The following COL1A2 variants were observed in gnomAD, a reference collection of about 807,000 sequenced individuals.
COL1A2 encodes the protein collagen type I alpha 2 chain.
Under a neutral mutation model 174.3 loss-of-function variants are expected in COL1A2, and 49 were observed. The ratio of observed to expected loss-of-function variants is 0.28; its 90% CI spans 0.22 to 0.36. The LOEUF (loss-of-function observed/expected upper bound fraction) is 0.36, where lower values mean the gene tolerates loss of function less well. Among genes scored for constraint, COL1A2 ranks in the 10% least tolerant of loss-of-function variants. The probability of loss-of-function intolerance (pLI) is 1.00; values close to 1 mark genes in which losing one functional copy is unlikely to be tolerated. For synonymous variants in COL1A2, 655 were observed against 606.6 expected, an observed-to-expected ratio of 1.08 and a Z score of -1.17; for missense variants, 1,438 against 1,822.7, an observed-to-expected ratio of 0.79 and a Z score of 3.84.
intron 12 of COL1A2, among the ~76,000 whole-genome samples, chr7:94,407,396 G>A (rs1310964106): frequency 2.0e-5 from 3 of 151,716 alleles, no homozygotes; most frequent in African/African-American, 7.3e-5. Context: ...AATATAGATT[G>A]GAAATAAATA....
intron 6 of COL1A2, among the ~76,000 whole-genome samples, chr7:94,403,935 A>C (rs1791742243): frequency 1.3e-5 from 2 of 152,188 alleles, no homozygotes; most frequent in African/African-American, 4.8e-5. Flanking sequence ...ATTTTCAACA[A>C]TAATATCATA....
chr7:94,423,179 C>T, intron 40 of COL1A2, 61 bp downstream of exon 40: 1 of 1,586,098 alleles, frequency 6.3e-7, no homozygotes. Context: ...AAAGCCCCTA[C>T]ACAAATCTTC....
intron 40 of COL1A2, chr7:94,423,425 A>G (rs910646481): frequency 2.5e-6 from 1 of 407,962 alleles, no homozygotes; most frequent in African/African-American, 2.0e-5. Context: ...CCATCCTACT[A>G]CATATTAATC....
intron 12 of COL1A2, among the ~76,000 whole-genome samples, chr7:94,406,870 T>C (rs1295594819): frequency 6.6e-6 from 1 of 152,214 alleles, no homozygotes; most frequent in African/African-American, 2.4e-5. Flanking sequence ...GATAATGTGA[T>C]ATTAAAGTGA....
In COL1A2 at chr7:94,408,426, G is replaced by A. The variant is rs756160543; in HGVS notation, c.738+46G>A. ...GTTTGAAAGGAGTTGAGAATGTGGG[G>A]TGGGTGCTGTCTTCTTCATTAATCT... On this transcript the variant is annotated intron_variant, in intron 15 of 51. Transcript: ENST00000297268. 5.0e-6 allele frequency: 8 copies of A among 1,589,826 alleles called. No homozygotes were observed. In the South Asian group the frequency reaches 8.8e-5, roughly 18 times the overall value.
At chr7:94,420,851 C>T in intron 37 of COL1A2, 158 bp from the exon 38 acceptor site, 2 of 890,354 alleles carry the variant, frequency 2.2e-6, no homozygotes, top group Non-Finnish European at 3.7e-6. Flanking sequence ...CTGATAACCT[C>T]ATAAGGGTGG....
In COL1A2 at chr7:94,410,940, A is replaced by G. The variant is rs761124794; in HGVS notation, c.1249A>G (p.Met417Val). 4.3e-6 allele frequency: 7 copies of G among 1,613,790 alleles called. No individual in the cohort carries two copies. The Admixed American group carries it at 5.0e-5, about 12-fold the overall frequency. The change falls in exon 22 of 52, where the codon ATG becomes GTG. Residue 417 changes from methionine (M) to valine (V), a missense_variant and splice_region_variant. By Grantham distance (21) the Met-to-Val change is conservative. This residue lies in a region of COL1A2 where 867 missense variants were observed against 1,213.7 expected (regional missense o/e 0.71). Coordinates refer to ENST00000297268, the MANE Select transcript of COL1A2 (RefSeq NM_000089.4). ...LPGADGRAGV[M>V]GPPGSRGASG... ...TGGAGCTGATGGCAGAGCTGGCGTC[A>G]TGGTAAGCTGTCTATCACTTACTTC...
At chr7:94,401,690 C>T in intron 6 of COL1A2, 70 bp downstream of exon 6, 1 of 1,167,098 alleles carries the variant, frequency 8.6e-7, no homozygotes, top group Non-Finnish European at 1.3e-6. Flanking sequence ...CACATTTTAC[C>T]ACGCCATTTA....
intron 26 of COL1A2, 97 bp from the exon 27 acceptor site, chr7:94,413,593 A>G (rs1325754862): frequency 1.7e-6 from 2 of 1,202,420 alleles, no homozygotes; most frequent in African/African-American, 1.5e-5. Flanking sequence ...TGCTAAAATG[A>G]CAAACTTGTT....
chr7:94,425,630 T>G lies in COL1A2; in HGVS notation c.2802T>G (p.Gly934=). 3 of 1,614,014 alleles carry G rather than the reference T, an allele frequency of 1.9e-6. No individual in the cohort carries two copies. The highest frequency in any genetic ancestry group is 2.5e-6 in the Non-Finnish European group (3 of 1,179,968). The change falls in exon 43 of 52, where the codon GGT becomes GGG. Residue 934 remains glycine (G), a synonymous_variant. Coordinates refer to ENST00000297268, the MANE Select transcript of COL1A2 (RefSeq NM_000089.4). The part of the protein sequence containing the change: ...AGRDGNPGND[G]PPGRDGQPGH... ...CACAGGGCAACCCTGGGAACGATGG[T>G]CCCCCAGGTCGCGATGGTCAACCCG...
intron 15 of COL1A2, 131 bp downstream of exon 15, chr7:94,408,511 C>T (rs1343111538): frequency 2.5e-6 from 3 of 1,219,634 alleles, no homozygotes; most frequent in Admixed American, 3.7e-5. Flanking sequence ...CTTTTGAAGG[C>T]TCCATTTATA....
intron 25 of COL1A2, 140 bp downstream of exon 25, chr7:94,412,822 A>G (rs1791956558): frequency 2.4e-6 from 2 of 818,034 alleles, no homozygotes; most frequent in East Asian, 2.6e-5. Context: ...CACTTATCAC[A>G]TTAAAAGTTT....
At chr7:94,411,827 G>T (rs1791934115) in intron 23 of COL1A2, among the ~76,000 whole-genome samples, 1 of 152,138 alleles carries the variant, frequency 6.6e-6, no homozygotes. Flanking sequence ...AGTTTCTTGA[G>T]ATATCTATAA....
rs1437620909 is a variant in COL1A2 at position 94,409,619 on chromosome 7, C to A, written c.936+11C>A. Reference sequence around the variant, plus strand: ...GCCAAGGGTGCTGCTGTGAGTATACCTGCGTAGCTAAAATGTGCTGCTATG... The same window carrying A: ...GCCAAGGGTGCTGCTGTGAGTATACATGCGTAGCTAAAATGTGCTGCTATG... On this transcript the variant is annotated intron_variant, in intron 18 of 51. Transcript: ENST00000297268. 1 of 1,613,982 alleles carries A rather than the reference C, an allele frequency of 6.2e-7. No homozygotes were observed. The highest frequency in any genetic ancestry group is 1.3e-5 in the African/African-American group (1 of 74,910).
chr7:94,414,929 T>A (rs1792007549), intron 29 of COL1A2, among the ~76,000 whole-genome samples: 1 of 152,254 alleles, frequency 6.6e-6, no homozygotes, highest in African/African-American at 2.4e-5. Context: ...TTCATTATTA[T>A]TTATCTTATT....
rs959364247 is a variant in COL1A2, at chr7:94,413,598, C to T, written c.1558-92C>T. 25 of 1,247,710 alleles carry T rather than the reference C, an allele frequency of 2.0e-5. No homozygotes were observed. In the Admixed American group the frequency reaches 4.3e-4, roughly 21 times the overall value. The allele number at this position is 1,247,710 out of a possible 1,614,324, so 77.3% of individuals were successfully genotyped here. On this transcript the variant is annotated intron_variant, in intron 26 of 51. Transcript: ENST00000297268. ...GTTTAATTCATGCTAAAATGACAAACTTGTTTTAAGGAAGTAATACCTGAG... is the reference window on the plus strand; with the variant it reads ...GTTTAATTCATGCTAAAATGACAAATTTGTTTTAAGGAAGTAATACCTGAG...
rs1450347651 is a variant in COL1A2 at position 94,425,671 on chromosome 7, C to T, written c.2835+8C>T. ...GGTCAACCCGGACACAAGGTCAGTA[C>T]ACTTTTCATCTTTCTCTAATTCAAA... is the stretch of plus-strand genomic sequence containing the variant. On this transcript the variant is annotated splice_region_variant and intron_variant, in intron 43 of 51. Coordinates refer to ENST00000297268, the MANE Select transcript of COL1A2 (RefSeq NM_000089.4). 5 of 1,614,040 alleles carry T rather than the reference C, an allele frequency of 3.1e-6. No homozygotes were observed. The highest frequency in any genetic ancestry group is 4.2e-6 in the Non-Finnish European group (5 of 1,180,026).
Position 94,420,529 on chromosome 7 carries a change from T to C in COL1A2, c.2188-12T>C. On this transcript the variant is annotated splice_polypyrimidine_tract_variant and intron_variant, in intron 36 of 51. Transcript: ENST00000297268. ...TCGGAATACCAGAGCTGTAACTGTT[T>C]ATTTCCAACAGGGTGCTGCTGGTCA... 3.7e-6 allele frequency: 6 copies of C among 1,614,110 alleles called. No individual in the cohort carries two copies. Among genetic ancestry groups the C allele is most frequent in the Non-Finnish European group, 5.1e-6 (6 of 1,179,988 alleles).
At chr7:94,410,729 A>G (rs1021834021) in intron 21 of COL1A2, among the ~76,000 whole-genome samples, 160 bp from the exon 22 acceptor site, 1 of 152,204 alleles carries the variant, frequency 6.6e-6, no homozygotes, top group Non-Finnish European at 1.5e-5. Flanking sequence ...CTTTTGCAGG[A>G]TGCTCATCTA....
Sources: allele counts gnomAD v4.1 joint callset (sites outside exome capture counted in the v4.1 genomes callset), GRCh38; gene constraint gnomAD v4.1.1; regional missense constraint gnomAD v4.1.1; transcripts MANE v1.5; gene names NCBI Gene and HGNC (gene_info 2026-07-23, HGNC 2026-07-21).